ZNF383: variants seen among roughly 807,000 people sequenced by gnomAD.
ZNF383 encodes the protein zinc finger protein 383.
Under a neutral mutation model 44.2 loss-of-function variants are expected in ZNF383, and 32 were observed. The observed-to-expected ratio is 0.72, with a 90% CI of 0.55 to 0.97. ZNF383 has a LOEUF of 0.97. Among genes scored for constraint, ZNF383 ranks in the 50% least tolerant of loss-of-function variants. The probability of loss-of-function intolerance (pLI) is 0.00; values close to 1 mark genes in which losing one functional copy is unlikely to be tolerated. For missense variants in ZNF383, 487 were observed against 562.5 expected (o/e 0.87, Z 1.36); for synonymous variants, 155 against 186.2 (o/e 0.83, Z 1.36).
At chr19:37,235,079 C>T (rs540597328) in intron 3 of ZNF383, among the ~76,000 whole-genome samples, 1 of 152,118 alleles carries the variant, frequency 6.6e-6, no homozygotes, top group African/African-American at 2.4e-5. Context: ...TCGAGACCAG[C>T]CTGGCCAACA....
chr19:37,234,423 C>A (rs1400690250), intron 3 of ZNF383, among the ~76,000 whole-genome samples: 1 of 151,674 alleles, frequency 6.6e-6, no homozygotes, highest in Non-Finnish European at 1.5e-5. Context: ...GAGTCTTGCT[C>A]TGTTGCCCAG....
intron 2 of ZNF383, among the ~76,000 whole-genome samples, chr19:37,229,256 G>A (rs1327649700): frequency 1.3e-5 from 2 of 149,090 alleles, no homozygotes; most frequent in Non-Finnish European, 3.0e-5. Context: ...CTGGGTTCAA[G>A]TGATTCTTCT....
At chr19:37,221,955 C>CAAAA (rs71177435) in intron 1 of ZNF383, among the ~76,000 whole-genome samples, 5 of 93,968 alleles carry the variant, frequency 5.3e-5, no homozygotes, top group Admixed American at 2.4e-4. Flanking sequence ...GACTCTGTCT[C>CAAAA]AAAAAAAAAA....
At chr19:37,223,824 G>C (rs1052396307) in intron 1 of ZNF383, among the ~76,000 whole-genome samples, 6 of 152,044 alleles carry the variant, frequency 3.9e-5, no homozygotes, top group African/African-American at 1.2e-4. Flanking sequence ...ACGAGGTCAG[G>C]AGTTCAAGAC....
At chr19:37,238,286 ATAT>A (rs1973918793) in intron 5 of ZNF383, among the ~76,000 whole-genome samples, 1 of 151,166 alleles carries the variant, frequency 6.6e-6, no homozygotes, top group African/African-American at 2.4e-5. Context: ...CATGACATTA[ATAT>A]TATATGATAT....
chr19:37,240,374 AC>A (rs1295821742), intron 5 of ZNF383, among the ~76,000 whole-genome samples: 1 of 152,038 alleles, frequency 6.6e-6, no homozygotes, highest in Non-Finnish European at 1.5e-5. Context: ...TTTTCCTGTA[AC>A]CCCCCAGTAA....
chr19:37,234,081 C>G (rs971223407), intron 3 of ZNF383, among the ~76,000 whole-genome samples: 8 of 152,022 alleles, frequency 5.3e-5, no homozygotes, highest in African/African-American at 1.7e-4. Flanking sequence ...TCAGGCTGGT[C>G]TTGAACTCCT....
intron 5 of ZNF383, 43 bp downstream of exon 5, chr19:37,236,117 A>G (rs1380836243): frequency 3.3e-6 from 5 of 1,514,476 alleles, no homozygotes; most frequent in African/African-American, 1.4e-5. Context: ...ACGATAGGTC[A>G]GAACTCAGCT....
intron 4 of ZNF383, 31 bp downstream of exon 4, chr19:37,235,706 TCTC>T (rs760988429): frequency 2.9e-5 from 45 of 1,559,414 alleles, no homozygotes; most frequent in Admixed American, 2.6e-4. Flanking sequence ...GATTCCCAGT[TCTC>T]CTCTGGAATG....
Position 37,236,614 on chromosome 19 carries a change from A to G in ZNF383, c.232+540A>G, listed in dbSNP as rs567740130. Among the ~76,000 whole-genome samples the G allele has an allele frequency of 3.0e-4, 44 of 147,402 alleles. 1 individual carries two copies. Among genetic ancestry groups the G allele is most frequent in the Non-Finnish European group, 5.2e-4 (35 of 67,394 alleles). On this transcript the variant is annotated intron_variant, in intron 5 of 5. Transcript: ENST00000684119. ...GAGACGGAGTCTCGCTCCGTCGCTC[A>G]GGCTGGAGTGCAGGGTGCGATCTTG...
intron 5 of ZNF383, among the ~76,000 whole-genome samples, chr19:37,236,954 A>AACACACACACACACACACACACAC: frequency 6.8e-6 from 1 of 146,858 alleles, no homozygotes; most frequent in South Asian, 2.2e-4. Context: ...CACACATGTG[A>AACACACACACACACACACACACAC]ACACACACAC....
chr19:37,227,649 G>T, intron 2 of ZNF383: 1 of 152,782 alleles, frequency 6.5e-6, no homozygotes, highest in South Asian at 1.9e-4. Context: ...AAGACACAGA[G>T]ACCGGTATTG....
intron 2 of ZNF383, among the ~76,000 whole-genome samples, chr19:37,229,328 AT>A (rs111342939): frequency 1.1e-3 from 142 of 132,532 alleles, no homozygotes; most frequent in Admixed American, 1.1e-3. Context: ...CTAATTTTGT[AT>A]TTTTTTTTTT....
Position 37,246,240 on chromosome 19 carries a change from T to G in ZNF383, c.*2576T>G, listed in dbSNP as rs944526662. ...CAGGTTTAGTAAAAGTTTTCCACTA[T>G]TATCAGTGATATACTCATTATCATA... On this transcript the variant is annotated 3_prime_UTR_variant, in exon 6 of 6. Coordinates refer to ENST00000684119, the MANE Select transcript of ZNF383 (RefSeq NM_001387601.1). The G allele has an allele frequency of 6.6e-6, 1 of 152,248 alleles. No individual in the cohort carries two copies. Among genetic ancestry groups the G allele is most frequent in the African/African-American group, 2.4e-5 (1 of 41,464 alleles). 9.4% of individuals were successfully genotyped at this position (152,248 alleles called of 1,614,324 possible).
At chr19:37,238,248 C>G (rs1599800872) in intron 5 of ZNF383, among the ~76,000 whole-genome samples, 2 of 151,412 alleles carry the variant, frequency 1.3e-5, no homozygotes, top group East Asian at 3.9e-4. Flanking sequence ...ACATGAATGT[C>G]AAGTATATAT....
intron 1 of ZNF383, chr19:37,219,189 T>A (rs1445457161): frequency 6.6e-6 from 1 of 152,558 alleles, no homozygotes; most frequent in Non-Finnish European, 1.5e-5. Flanking sequence ...CAGGACAGAT[T>A]CTCGAGAGGA....
Position 37,243,133 on chromosome 19 carries a change from G to A in ZNF383, c.897G>A (p.Gln299=), listed in dbSNP as rs771891661. 2.5e-6 allele frequency: 4 copies of A among 1,613,996 alleles called. No homozygotes were observed. The highest frequency in any genetic ancestry group is 3.4e-6 in the Non-Finnish European group (4 of 1,179,970). ...TTACTAAGAGCTCACAACTTTTTCA[G>A]CATGCACGAATTCATACAGGTGAGA... ...KAFTKSSQLF[Q]HARIHTGEKP... is the part of the protein sequence containing the mutation. The change falls in exon 6 of 6, where the codon CAG becomes CAA. Residue 299 remains glutamine, a synonymous_variant. Coordinates refer to ENST00000684119, the MANE Select transcript of ZNF383 (RefSeq NM_001387601.1).
At chr19:37,219,391 G>A (rs1568517090) in intron 1 of ZNF383, 1 of 152,640 alleles carries the variant, frequency 6.6e-6, no homozygotes, top group Non-Finnish European at 1.5e-5. Context: ...TAGTAGCTGG[G>A]ATTACAGGCG....
rs189166455 is a variant in ZNF383, at chr19:37,233,515, C to T, written c.10-2034C>T. Among the ~76,000 whole-genome samples the T allele has an allele frequency of 6.4e-3, 979 of 152,018 alleles. 27 individuals are homozygous for T. The highest frequency in any genetic ancestry group is 0.052 in the East Asian group (268 of 5,160). The stretch of plus-strand genomic sequence containing the variant: ...TGCCATCTTGGCTCACTGCAACCTC[C>T]GCCTCCCAGGTTCAAGCGATTCTGC... On this transcript the variant is annotated intron_variant, in intron 3 of 5. Coordinates refer to ENST00000684119, the MANE Select transcript of ZNF383 (RefSeq NM_001387601.1).
Sources: allele counts gnomAD v4.1 joint callset (sites outside exome capture counted in the v4.1 genomes callset), GRCh38; gene constraint gnomAD v4.1.1; transcripts MANE v1.5; gene names NCBI Gene and HGNC (gene_info 2026-07-23, HGNC 2026-07-21).